The following FGD4 variants were observed in gnomAD, a reference collection of about 807,000 sequenced individuals.
FGD4 encodes FYVE, RhoGEF and PH domain-containing protein 4.
FGD4 carries 42 observed loss-of-function variants against 102.0 expected under a neutral mutation model. The observed-to-expected ratio is 0.41, with a 90% CI of 0.32 to 0.53. The LOEUF (loss-of-function observed/expected upper bound fraction) is 0.53. FGD4 is among the 20% of genes least tolerant of loss of function. The pLI is 0.21. For missense variants in FGD4, 902 were observed against 1,078.2 expected (o/e 0.84, Z 2.29); for synonymous variants, 380 against 375.7 (o/e 1.01, Z -0.13).
At chr12:32,614,850 T>C (rs1285197584) in intron 10 of FGD4, among the ~76,000 whole-genome samples, 1 of 152,214 alleles carries the variant, frequency 6.6e-6, no homozygotes, top group East Asian at 1.9e-4. Flanking sequence ...TGGTAGAGCT[T>C]AGGTTGAAAT....
intron 1 of FGD4, among the ~76,000 whole-genome samples, chr12:32,561,775 T>C (rs1488619645): frequency 6.6e-6 from 1 of 152,210 alleles, no homozygotes; most frequent in African/African-American, 2.4e-5. Flanking sequence ...ACATATAACT[T>C]TTTATACCAG....
At position 32,536,724 on chromosome 12, in the gene FGD4, G is replaced by A. The variant is rs191881630; in HGVS notation, c.167-27413G>A. Among the ~76,000 whole-genome samples the A allele has an allele frequency of 2.7e-4, 41 of 152,264 alleles. 1 individual carries two copies. The highest frequency in any genetic ancestry group is 9.2e-4 in the Admixed American group (14 of 15,294). ...TAGGAGAAGAAAAATAGTGTTAATC[G>A]TAGAATTTGGTCATTCTACATGGTG... On this transcript the variant is annotated intron_variant, in intron 1 of 16. Transcript: ENST00000534526.
At chr12:32,498,963 C>T (rs934584814) in intron 1 of FGD4, among the ~76,000 whole-genome samples, 5 of 152,188 alleles carry the variant, frequency 3.3e-5, no homozygotes, top group Non-Finnish European at 2.9e-5. Context: ...GCTCCTGCCC[C>T]GGGGCACTGT....
intron 1 of FGD4, among the ~76,000 whole-genome samples, chr12:32,446,260 T>C (rs1038004703): frequency 1.3e-5 from 2 of 152,234 alleles, no homozygotes; most frequent in African/African-American, 4.8e-5. Context: ...GTAATGTCTT[T>C]TTTTTAACCC....
Position 32,576,257 on chromosome 12 carries a change from T to C in FGD4, c.320-9T>C. ...CAGTGAAATACTATATTCTATTCTT[T>C]TTCTACAGTGCCTCCAAAGCCATTA... On this transcript the variant is annotated splice_polypyrimidine_tract_variant and intron_variant, in intron 2 of 16. Coordinates refer to ENST00000534526, the MANE Select transcript of FGD4 (RefSeq NM_001370298.3). The C allele has an allele frequency of 6.4e-7, 1 of 1,572,558 alleles. No homozygotes were observed. The highest frequency in any genetic ancestry group is 8.6e-7 in the Non-Finnish European group (1 of 1,156,884).
At chr12:32,473,184 C>A (rs1324083619) in intron 1 of FGD4, among the ~76,000 whole-genome samples, 2 of 152,048 alleles carry the variant, frequency 1.3e-5, no homozygotes, top group Non-Finnish European at 2.9e-5. Flanking sequence ...TACCAATCAG[C>A]AGGATGTGGG....
chr12:32,527,888 C>T (rs986498876), intron 1 of FGD4, among the ~76,000 whole-genome samples: 11 of 152,190 alleles, frequency 7.2e-5, no homozygotes, highest in Non-Finnish European at 1.2e-4. Context: ...TTTTTATTCT[C>T]TAGTATTATA....
At chr12:32,450,889 A>G (rs1942755739) in intron 1 of FGD4, among the ~76,000 whole-genome samples, 1 of 152,104 alleles carries the variant, frequency 6.6e-6, no homozygotes, top group South Asian at 2.1e-4. Flanking sequence ...TACTTAGTCA[A>G]TCCTGCTCTG....
intron 1 of FGD4, among the ~76,000 whole-genome samples, chr12:32,409,304 TTGA>T (rs1361441410): frequency 8.6e-6 from 1 of 115,856 alleles, no homozygotes; most frequent in Non-Finnish European, 1.8e-5. Flanking sequence ...TTTTTTTTTT[TTGA>T]GTTGAAGTCT....
At chr12:32,553,369 C>T (rs1234731110) in intron 1 of FGD4, among the ~76,000 whole-genome samples, 1 of 152,114 alleles carries the variant, frequency 6.6e-6, no homozygotes, top group Non-Finnish European at 1.5e-5. Flanking sequence ...TAGTGTTATC[C>T]TTTTTATCCT....
intron 1 of FGD4, among the ~76,000 whole-genome samples, chr12:32,427,808 A>T: frequency 6.6e-6 from 1 of 152,104 alleles, no homozygotes. Context: ...TCCCTTTACC[A>T]TTATGTAATG....
intron 8 of FGD4, among the ~76,000 whole-genome samples, chr12:32,610,538 A>G (rs1949072059): frequency 1.3e-5 from 2 of 152,154 alleles, no homozygotes; most frequent in Admixed American, 1.3e-4. Context: ...TTCATTGGGG[A>G]TTAATTAAAC....
intron 1 of FGD4, among the ~76,000 whole-genome samples, chr12:32,443,919 AAAAAT>A (rs1942529908): frequency 6.6e-6 from 1 of 152,156 alleles, no homozygotes; most frequent in African/African-American, 2.4e-5. Flanking sequence ...GTGATTTTTA[AAAAAT>A]CGACAGATTT....
At chr12:32,565,463 A>T (rs1945113695) in intron 2 of FGD4, among the ~76,000 whole-genome samples, 1 of 152,184 alleles carries the variant, frequency 6.6e-6, no homozygotes, top group Non-Finnish European at 1.5e-5. Context: ...AAGCCTTTTT[A>T]TTTCCAAAAT....
chr12:32,618,376 T>C (rs1037567108), intron 10 of FGD4, among the ~76,000 whole-genome samples: 1 of 152,120 alleles, frequency 6.6e-6, no homozygotes, highest in African/African-American at 2.4e-5. Flanking sequence ...GGGAAAGAAG[T>C]GTTAACAGGA....
intron 1 of FGD4, among the ~76,000 whole-genome samples, chr12:32,403,597 C>CG (rs1376177151): frequency 8.7e-6 from 1 of 115,024 alleles, no homozygotes; most frequent in African/African-American, 4.1e-5. Flanking sequence ...CAGCAAAACT[C>CG]CATCTTTTTT....
At chr12:32,563,250 G>A (rs1212020132) in intron 1 of FGD4, among the ~76,000 whole-genome samples, 1 of 150,980 alleles carries the variant, frequency 6.6e-6, no homozygotes, top group Non-Finnish European at 1.5e-5. Context: ...CAGACGGGGC[G>A]GTTGCCAGGC....
Position 32,638,658 on chromosome 12 carries a change from G to A in FGD4, c.2317G>A (p.Glu773Lys), listed in dbSNP as rs1950986584. 1 of 1,613,984 alleles carries A rather than the reference G, an allele frequency of 6.2e-7. No individual in the cohort carries two copies. Among genetic ancestry groups the A allele is most frequent in the African/African-American group, 1.3e-5 (1 of 74,894 alleles). The change falls in exon 16 of 17, where the codon GAA becomes AAA. Residue 773 changes from glutamate (E) to lysine (K), a missense_variant. Around this residue, in one of 2 missense-constraint regions of FGD4, gnomAD observed 459 missense variants for 619.0 expected, o/e 0.74. Coordinates refer to ENST00000534526, the MANE Select transcript of FGD4 (RefSeq NM_001370298.3). ...EKKRKGILEI[E>K]SAEVSGNSVV... ...TCTTTCCATTATATTTTTCTAGATT[G>A]AATCAGCAGAAGTATCTGGAAACAG...
chr12:32,590,398 C>T (rs141468494), intron 4 of FGD4, among the ~76,000 whole-genome samples: 4 of 151,354 alleles, frequency 2.6e-5, no homozygotes, highest in African/African-American at 9.7e-5. Context: ...ATAATGTGAG[C>T]CTAGTGATAA....
Sources: allele counts gnomAD v4.1 joint callset (sites outside exome capture counted in the v4.1 genomes callset), GRCh38; gene constraint gnomAD v4.1.1; regional missense constraint gnomAD v4.1.1; transcripts MANE v1.5; gene names NCBI Gene and HGNC (gene_info 2026-07-23, HGNC 2026-07-21).